GLRA3: variants seen among roughly 807,000 people sequenced by gnomAD.
GLRA3 encodes the protein glycine receptor subunit alpha-3.
A neutral mutation model predicts 60.4 loss-of-function variants in GLRA3; 44 were observed. The observed-to-expected ratio is 0.73, with a 90% CI of 0.57 to 0.94. The LOEUF is 0.94. Ranked by LOEUF, GLRA3 falls within the 40% of genes least tolerant of loss-of-function variation. GLRA3 has a pLI of 0.00. For missense variants in GLRA3, 508 were observed against 564.6 expected (o/e 0.90, Z 1.02); for synonymous variants, 223 against 192.9 (o/e 1.16, Z -1.29).
At chr4:174,693,378 C>T (rs1734934593) in intron 5 of GLRA3, among the ~76,000 whole-genome samples, 1 of 152,182 alleles carries the variant, frequency 6.6e-6, no homozygotes, top group South Asian at 2.1e-4. Flanking sequence ...TTGCATATCA[C>T]TAGCCAGTTA....
In GLRA3 at chr4:174,659,045, A is replaced by G. The variant is rs1472393588; in HGVS notation, c.1071+9T>C. The G allele has an allele frequency of 6.2e-7, 1 of 1,609,956 alleles. No homozygotes were observed. ...GATTCTGCCAAACCCAATACGTTTA[A>G]TCACTTACCTTATTCTTTCTCTTTC... On this transcript the variant is annotated intron_variant, in intron 8 of 9. Coordinates refer to ENST00000274093, the MANE Select transcript of GLRA3 (RefSeq NM_006529.4).
chr4:174,809,233 C>T (rs1355586681), intron 1 of GLRA3, among the ~76,000 whole-genome samples: 1 of 152,162 alleles, frequency 6.6e-6, no homozygotes, highest in Non-Finnish European at 1.5e-5. Context: ...ACTGTACATG[C>T]TGTACAGGTT....
chr4:174,646,120 G>T (rs547293870), intron 9 of GLRA3, among the ~76,000 whole-genome samples: 1 of 152,272 alleles, frequency 6.6e-6, no homozygotes, highest in East Asian at 1.9e-4. Context: ...ATGAGGTGTT[G>T]ACATGTTAAT....
At chr4:174,758,177 G>A (rs534634522) in intron 3 of GLRA3, among the ~76,000 whole-genome samples, 4 of 152,186 alleles carry the variant, frequency 2.6e-5, no homozygotes, top group African/African-American at 9.6e-5. Flanking sequence ...TACCCAGCCT[G>A]AGGTATTCCT....
intron 7 of GLRA3, among the ~76,000 whole-genome samples, chr4:174,669,022 T>A (rs1189258015): frequency 1.3e-5 from 2 of 152,048 alleles, no homozygotes; most frequent in African/African-American, 4.8e-5. Context: ...TACAGATAAC[T>A]GCTTTTTCTC....
intron 5 of GLRA3, among the ~76,000 whole-genome samples, chr4:174,699,724 A>G (rs1735221777): frequency 6.6e-6 from 1 of 151,934 alleles, no homozygotes; most frequent in Admixed American, 6.6e-5. Context: ...AGGAACCAGA[A>G]CTTCAAATTT....
intron 8 of GLRA3, among the ~76,000 whole-genome samples, chr4:174,657,898 C>G (rs560100424): frequency 2.0e-5 from 3 of 152,050 alleles, no homozygotes; most frequent in African/African-American, 7.2e-5. Context: ...GTTCTTTCCA[C>G]GTAGCTGTTA....
intron 3 of GLRA3, among the ~76,000 whole-genome samples, chr4:174,747,234 T>C (rs568053166): frequency 7.5e-4 from 114 of 151,946 alleles, no homozygotes; most frequent in Non-Finnish European, 1.5e-3. Flanking sequence ...ATAAGGGCAG[T>C]GGTGGAAAGA....
intron 1 of GLRA3, among the ~76,000 whole-genome samples, chr4:174,821,638 C>T (rs1740743971): frequency 6.6e-6 from 1 of 151,980 alleles, no homozygotes; most frequent in Non-Finnish European, 1.5e-5. Context: ...AAAATGTCTA[C>T]AAAAGGTGCT....
chr4:174,785,670 T>C (rs1423582094), intron 2 of GLRA3, among the ~76,000 whole-genome samples: 2 of 152,192 alleles, frequency 1.3e-5, no homozygotes, highest in Non-Finnish European at 2.9e-5. Context: ...TATCAGCTGA[T>C]TACTTATCTA....
chr4:174,765,304 A>G (rs547830245), intron 3 of GLRA3, among the ~76,000 whole-genome samples: 1 of 152,192 alleles, frequency 6.6e-6, no homozygotes, highest in South Asian at 2.1e-4. Context: ...GAAAACTGGC[A>G]ATCTTTAAGT....
chr4:174,715,550 C>T lies in GLRA3; in HGVS notation c.512G>A (p.Cys171Tyr). The change falls in exon 5 of 10, where the codon TGT (cysteine) becomes TAT (tyrosine). Residue 171 changes from cysteine to tyrosine, a missense_variant. Coordinates refer to ENST00000274093, the MANE Select transcript of GLRA3 (RefSeq NM_006529.4). ...YSIRLTLTLS[C>Y]PMDLKNFPMD... ...GGGAAAATTCTTGAGATCCATTGGA[C>T]AGGAAAGTGTTAATGTTAATCTGAA... is the stretch of plus-strand genomic sequence containing the variant. The T allele has an allele frequency of 1.3e-6, 2 of 1,519,670 alleles. No individual in the cohort carries two copies. The highest frequency in any genetic ancestry group is 1.2e-5 in the South Asian group (1 of 86,518). 94.1% of individuals were successfully genotyped at this position (1,519,670 alleles called of 1,614,324 possible). A position where few individuals can be genotyped will look rare whatever the true frequency, so the allele number is the denominator to read the frequency against.
At chr4:174,798,636 C>T (rs1208774127) in intron 1 of GLRA3, among the ~76,000 whole-genome samples, 2 of 151,948 alleles carry the variant, frequency 1.3e-5, no homozygotes, top group Non-Finnish European at 2.9e-5. Flanking sequence ...ATTTAAAAGA[C>T]TTTTAAGGCT....
intron 1 of GLRA3, among the ~76,000 whole-genome samples, chr4:174,814,633 A>G (rs757158638): frequency 9.2e-5 from 14 of 152,230 alleles, no homozygotes; most frequent in Non-Finnish European, 1.6e-4. Context: ...ATGGCAAAGG[A>G]GCAAGTCATG....
rs561627744 is a variant in GLRA3, at chr4:174,689,033, T to A, written c.575-6094A>T. Among the ~76,000 whole-genome samples the A allele has an allele frequency of 9.2e-5, 14 of 152,310 alleles. No individual in the cohort carries two copies. The East Asian group carries it at 1.5e-3, about 17-fold the overall frequency. On this transcript the variant is annotated intron_variant, in intron 5 of 9. Coordinates refer to ENST00000274093, the MANE Select transcript of GLRA3 (RefSeq NM_006529.4). ...CACAAGCAGAGGCTGGGAAATCATT[T>A]TTCAGGTATAAGAGACATTCAATGT...
chr4:174,692,187 TCCA>T (rs1734853608), intron 5 of GLRA3, among the ~76,000 whole-genome samples: 1 of 151,162 alleles, frequency 6.6e-6, no homozygotes, highest in Admixed American at 6.6e-5. Context: ...GAGGAGCGTC[TCCA>T]CCCAGCAGCC....
chr4:174,688,215 C>T (rs1561055697), intron 5 of GLRA3, among the ~76,000 whole-genome samples: 1 of 150,480 alleles, frequency 6.6e-6, no homozygotes, highest in East Asian at 1.9e-4. Context: ...CATGACATTA[C>T]AGTAGCTTTC....
chr4:174,727,785 A>T (rs184178544), intron 4 of GLRA3, among the ~76,000 whole-genome samples: 1 of 152,216 alleles, frequency 6.6e-6, no homozygotes, highest in East Asian at 1.9e-4. Context: ...ATTAATTATT[A>T]TTCAATATTG....
chr4:174,691,808 C>G (rs560849489), intron 5 of GLRA3, among the ~76,000 whole-genome samples: 1 of 152,060 alleles, frequency 6.6e-6, no homozygotes, highest in Non-Finnish European at 1.5e-5. Flanking sequence ...TCTGCCCGGC[C>G]GCCACCCCAT....
Sources: allele counts gnomAD v4.1 joint callset (sites outside exome capture counted in the v4.1 genomes callset), GRCh38; gene constraint gnomAD v4.1.1; transcripts MANE v1.5; gene names NCBI Gene and HGNC (gene_info 2026-07-23, HGNC 2026-07-21).